ASTN2: variants seen among roughly 807,000 people sequenced by gnomAD.
ASTN2 encodes the protein astrotactin 2, also known as astrotactin-2.
Under a neutral mutation model 139.8 loss-of-function variants are expected in ASTN2, and 54 were observed. The ratio of observed to expected loss-of-function variants is 0.39; its 90% CI spans 0.31 to 0.48. ASTN2 has a LOEUF of 0.48. Ranked by LOEUF, ASTN2 falls within the 20% of genes least tolerant of loss-of-function variation. The probability of loss-of-function intolerance (pLI) is 0.95; values close to 1 mark genes in which losing one functional copy is unlikely to be tolerated. For synonymous variants in ASTN2, 756 were observed against 719.5 expected (o/e 1.05, Z -0.81); for missense variants, 1,565 against 1,725.1 (o/e 0.91, Z 1.64).
intron 20 of ASTN2, among the ~76,000 whole-genome samples, chr9:116,453,368 T>G (rs879073319): frequency 1.3e-5 from 2 of 149,808 alleles, no homozygotes; most frequent in Admixed American, 6.6e-5. Context: ...CAGAGGCGGG[T>G]GGATCACGAG....
chr9:116,425,586 A>G lies in ASTN2; in HGVS notation c.*265T>C. On this transcript the variant is annotated 3_prime_UTR_variant, in exon 23 of 23. Transcript: ENST00000313400. Reference sequence around the variant, plus strand: ...GGGATTGACAGCCATCCATAAGAAAAGGTTTAAAAAGGAGAGACTTTTGAT... The same window carrying G: ...GGGATTGACAGCCATCCATAAGAAAGGGTTTAAAAAGGAGAGACTTTTGAT... 1 of 1,613,228 alleles carries G rather than the reference A, an allele frequency of 6.2e-7. No individual in the cohort carries two copies. Among genetic ancestry groups the G allele is most frequent in the Non-Finnish European group, 8.5e-7 (1 of 1,179,810 alleles).
intron 14 of ASTN2, among the ~76,000 whole-genome samples, chr9:116,731,063 A>T (rs1416637388): frequency 6.6e-6 from 1 of 151,046 alleles, no homozygotes; most frequent in Non-Finnish European, 1.5e-5. Flanking sequence ...CTAACCATAA[A>T]CTCATCCCTG....
chr9:117,267,341 G>A (rs1400112129), intron 2 of ASTN2, among the ~76,000 whole-genome samples: 1 of 152,046 alleles, frequency 6.6e-6, no homozygotes, highest in Non-Finnish European at 1.5e-5. Context: ...GGAGAAACTG[G>A]GGAAATAATA....
chr9:116,713,430 G>T lies in ASTN2; in HGVS notation c.2806+12341C>A, dbSNP rs576005308. Among the ~76,000 whole-genome samples, 6 of 152,172 alleles carry T rather than the reference G, an allele frequency of 3.9e-5. No individual in the cohort carries two copies. In the South Asian group the frequency reaches 1.0e-3, roughly 26 times the overall value. ...ATCAATGGTGAAGTTGATCTCTAAGGCCCGTCTCAGAGCTGGCACTCTGAC... is the reference window on the plus strand; with the variant it reads ...ATCAATGGTGAAGTTGATCTCTAAGTCCCGTCTCAGAGCTGGCACTCTGAC... On this transcript the variant is annotated intron_variant, in intron 16 of 22. Transcript: ENST00000313400.
intron 20 of ASTN2, among the ~76,000 whole-genome samples, chr9:116,485,262 T>G (rs189576504): frequency 1.3e-5 from 2 of 151,270 alleles, no homozygotes; most frequent in Admixed American, 6.6e-5. Flanking sequence ...AGAGAAGGAA[T>G]TGGAGGCTCA....
intron 1 of ASTN2, among the ~76,000 whole-genome samples, chr9:117,347,190 A>G (rs1050514086): frequency 6.6e-6 from 1 of 152,072 alleles, no homozygotes; most frequent in African/African-American, 2.4e-5. Context: ...CTCCAAAATC[A>G]TGAAGAGGTT....
intron 19 of ASTN2, chr9:116,612,503 A>G (rs1239981033): frequency 1.3e-5 from 2 of 152,210 alleles, no homozygotes; most frequent in Non-Finnish European, 2.9e-5. Context: ...TAAAAGAAAG[A>G]AATTATAACA....
intron 6 of ASTN2, among the ~76,000 whole-genome samples, chr9:117,018,910 T>A (rs147907283): frequency 5.3e-5 from 8 of 152,246 alleles, no homozygotes; most frequent in African/African-American, 1.9e-4. Flanking sequence ...TAAAAGAGGT[T>A]AACTGTACAT....
At chr9:117,344,067 T>C (rs551276611) in intron 1 of ASTN2, among the ~76,000 whole-genome samples, 3 of 151,808 alleles carry the variant, frequency 2.0e-5, no homozygotes, top group Non-Finnish European at 4.4e-5. Flanking sequence ...TCTCCCAAGG[T>C]GGCCCCATCA....
intron 1 of ASTN2, among the ~76,000 whole-genome samples, chr9:117,298,726 GTGTGTGTA>G (rs1159009119): frequency 9.6e-5 from 14 of 145,482 alleles, no homozygotes; most frequent in East Asian, 6.1e-4. Flanking sequence ...GTGTGTGTGT[GTGTGTGTA>G]TATATATATA....
chr9:116,574,679 C>A (rs957412784), intron 19 of ASTN2, among the ~76,000 whole-genome samples: 2 of 152,188 alleles, frequency 1.3e-5, no homozygotes, highest in Non-Finnish European at 2.9e-5. Context: ...TAAGTCAAGG[C>A]CAATGGTAAA....
intron 11 of ASTN2, among the ~76,000 whole-genome samples, chr9:116,848,735 C>G (rs1002343544): frequency 2.6e-5 from 4 of 152,172 alleles, no homozygotes; most frequent in Non-Finnish European, 5.9e-5. Context: ...CCTCTGGTCA[C>G]CAAGAAGTGT....
At chr9:116,570,237 A>T (rs4837634) in intron 19 of ASTN2, among the ~76,000 whole-genome samples, 24,430 of 152,112 alleles carry the variant, frequency 0.16, 2,122 homozygotes, top group African/African-American at 0.22. Context: ...TAGTGGGTTT[A>T]CAATTAATGT....
At chr9:116,948,316 C>A (rs1588433669) in intron 10 of ASTN2, among the ~76,000 whole-genome samples, 1 of 152,252 alleles carries the variant, frequency 6.6e-6, no homozygotes, top group East Asian at 1.9e-4. Flanking sequence ...TAGTGCATAT[C>A]AGTATCAAAT....
chr9:116,512,740 C>T (rs1397337782), intron 19 of ASTN2, among the ~76,000 whole-genome samples: 2 of 152,044 alleles, frequency 1.3e-5, no homozygotes, highest in African/African-American at 4.8e-5. Flanking sequence ...TGAATTGATC[C>T]CTTTGCCATT....
At chr9:116,697,476 G>T in intron 16 of ASTN2, 3 of 469,390 alleles carry the variant, frequency 6.4e-6, no homozygotes, top group Non-Finnish European at 1.2e-5. Flanking sequence ...TTCCCACTAT[G>T]CAGTGTTTTG....
At chr9:116,500,242 A>G (rs1037350797) in intron 19 of ASTN2, among the ~76,000 whole-genome samples, 23 of 152,164 alleles carry the variant, frequency 1.5e-4, no homozygotes, top group Non-Finnish European at 1.9e-4. Context: ...TTTAGTTTAC[A>G]ATGTATGCCT....
At chr9:116,852,901 AC>A (rs1219248430) in intron 11 of ASTN2, among the ~76,000 whole-genome samples, 1 of 151,434 alleles carries the variant, frequency 6.6e-6, no homozygotes, top group African/African-American at 2.4e-5. Flanking sequence ...ACACACACAC[AC>A]ACACACACAC....
intron 1 of ASTN2, among the ~76,000 whole-genome samples, chr9:117,366,708 G>A (rs971238203): frequency 3.3e-5 from 5 of 151,944 alleles, no homozygotes; most frequent in Non-Finnish European, 7.4e-5. Flanking sequence ...CCACTGTGCC[G>A]CCCTGCTCCA....
Sources: allele counts gnomAD v4.1 joint callset (sites outside exome capture counted in the v4.1 genomes callset), GRCh38; gene constraint gnomAD v4.1.1; transcripts MANE v1.5; gene names NCBI Gene and HGNC (gene_info 2026-07-23, HGNC 2026-07-21).